Variants in FSCN2 observed in about 807,000 individuals in gnomAD.
FSCN2 encodes the protein fascin actin-bundling protein 2, retinal.
A neutral mutation model predicts 37.8 loss-of-function variants in FSCN2; 46 were observed. The observed-to-expected ratio is 1.22, with a 90% CI of 0.96 to 1.56. FSCN2 has a LOEUF of 1.56. Among genes scored for constraint, FSCN2 ranks in the 40% most tolerant of loss-of-function variants. FSCN2 has a pLI of 0.00. For missense variants in FSCN2, 844 were observed against 730.4 expected (o/e 1.16, Z -1.79); for synonymous variants, 351 against 309.4 (o/e 1.13, Z -1.41).
the FSCN2 span, among the ~76,000 whole-genome samples, chr17:81,519,525 TG>T: frequency 6.6e-6 from 1 of 151,968 alleles, no homozygotes; most frequent in Non-Finnish European, 1.5e-5. Flanking sequence ...GGCCGCCAGG[TG>T]GGTGCCGCTA....
At chr17:81,517,883 A>G in the FSCN2 span, among the ~76,000 whole-genome samples, 1 of 151,822 alleles carries the variant, frequency 6.6e-6, no homozygotes, top group African/African-American at 2.4e-5. Context: ...AGAAACGGAG[A>G]TGAAACCGAG....
chr17:81,535,394 CATCATCACCATCCCT>C (rs2032821333), intron 2 of FSCN2, among the ~76,000 whole-genome samples, 186 bp downstream of exon 2: 1 of 141,886 alleles, frequency 7.0e-6, no homozygotes, highest in Non-Finnish European at 1.5e-5. Context: ...TCCCCATCCC[CATCATCACCATCCCT>C]ATCACCACCA....
rs1555671257 is a variant in FSCN2 at position 81,531,323 on chromosome 17, GGTGGTGGTGGTGA to G, written c.826+1967_826+1979del. ...TGGTGATGGTGGTGGTGGTGATGAT[GGTGGTGGTGGTGA>G]TGGTGGTGGTGATGATGGTGATGGT... On this transcript the variant is annotated intron_variant, in intron 1 of 4. Transcript: ENST00000417245. Among the ~76,000 whole-genome samples, 130 of 47,968 alleles carry G rather than the reference GGTGGTGGTGGTGA, an allele frequency of 2.7e-3. 6 individuals are homozygous for G. Among genetic ancestry groups the G allele is most frequent in the African/African-American group, 7.2e-3 (113 of 15,784 alleles). The allele number at this position is 47,968 out of a possible 152,430, so 31.5% of individuals were successfully genotyped here.
At chr17:81,522,033 T>C in the FSCN2 span, among the ~76,000 whole-genome samples, 2 of 152,120 alleles carry the variant, frequency 1.3e-5, no homozygotes, top group African/African-American at 4.8e-5. Flanking sequence ...GGAGTCTCAC[T>C]CTGCACTCTG....
chr17:81,525,597 C>T (rs1006093997), upstream of FSCN2, among the ~76,000 whole-genome samples: 10 of 151,330 alleles, frequency 6.6e-5, no homozygotes, highest in East Asian at 1.9e-4. Flanking sequence ...TGGTGGCAGG[C>T]GCCTGTAATC....
chr17:81,530,563 T>TC (rs1555671100), intron 1 of FSCN2: 2 of 508,196 alleles, frequency 3.9e-6, no homozygotes, highest in Non-Finnish European at 7.8e-6. Context: ...TGCATGGAGC[T>TC]CCTCCTCCCA....
intron 1 of FSCN2, among the ~76,000 whole-genome samples, chr17:81,533,780 A>G (rs1307825561): frequency 6.6e-6 from 1 of 152,166 alleles, no homozygotes; most frequent in Non-Finnish European, 1.5e-5. Flanking sequence ...AGGTGGCTGA[A>G]TGAGTAGCCC....
Position 81,536,209 on chromosome 17 carries a change from C to G in FSCN2, c.1047C>G (p.Asn349Lys). ...GGCGGGTAGCACTCAAAGCCAGCAA[C>G]GGGCGCTACGTGTGCATGAAGAAGA... is the stretch of plus-strand genomic sequence containing the variant. ...RGRRVALKAS[N>K]GRYVCMKKNG... is the part of the protein sequence containing the mutation. Residue 349 changes from asparagine (N) to lysine (K), a missense_variant, in exon 3 of 5, where the codon AAC becomes AAG. By Grantham distance (94) the Asn-to-Lys change is moderately conservative. Coordinates refer to ENST00000417245, the MANE Select transcript of FSCN2 (RefSeq NM_012418.4). The G allele has an allele frequency of 6.2e-7, 1 of 1,600,544 alleles. No individual in the cohort carries two copies. The highest frequency in any genetic ancestry group is 8.5e-7 in the Non-Finnish European group (1 of 1,173,948).
chr17:81,517,700 G>C, the FSCN2 span, among the ~76,000 whole-genome samples: 1 of 152,050 alleles, frequency 6.6e-6, no homozygotes, highest in Non-Finnish European at 1.5e-5. Flanking sequence ...GAGCCGCACG[G>C]AGTGGGGAGG....
chr17:81,529,131 G>C lies in FSCN2; in HGVS notation c.600G>C (p.Leu200=). 1 of 1,584,186 alleles carries C rather than the reference G, an allele frequency of 6.3e-7. No homozygotes were observed. Among genetic ancestry groups the C allele is most frequent in the Non-Finnish European group, 8.6e-7 (1 of 1,166,766 alleles). ...DSRYLRSDGR[L]VWEPEPRACY... ...GCTACCTGCGCAGCGACGGCCGTCT[G>C]GTCTGGGAGCCTGAGCCCCGTGCCT... is the stretch of plus-strand genomic sequence containing the variant. Residue 200 remains leucine, a synonymous_variant, in exon 1 of 5, where the codon CTG becomes CTC. Coordinates refer to ENST00000417245, the MANE Select transcript of FSCN2 (RefSeq NM_012418.4).
intron 2 of FSCN2, among the ~76,000 whole-genome samples, chr17:81,535,944 A>G (rs1268769296): frequency 6.7e-6 from 1 of 148,186 alleles, no homozygotes; most frequent in Non-Finnish European, 1.5e-5. Flanking sequence ...CACCACCATC[A>G]CTGCCTCGGC....
chr17:81,535,267 TCATCACCATCCCCACCATCCGCATCCC>T, intron 2 of FSCN2, 59 bp downstream of exon 2: 5 of 1,201,632 alleles, frequency 4.2e-6, no homozygotes, highest in South Asian at 1.4e-5. Context: ...ACCATCCCCA[TCATCACCATCCCCACCATCCGCATCCC>T]CATCTCCATC....
At chr17:81,531,246 A>G (rs1223398031) in intron 1 of FSCN2, among the ~76,000 whole-genome samples, 2,539 of 28,888 alleles carry the variant, frequency 0.088, 453 homozygotes, top group African/African-American at 0.24. Context: ...GGTGGTGATG[A>G]TGGTGATGGT....
At chr17:81,531,609 G>GTGA (rs1321530175) in intron 1 of FSCN2, among the ~76,000 whole-genome samples, 2 of 136,452 alleles carry the variant, frequency 1.5e-5, no homozygotes, top group Middle Eastern at 4.7e-3. Flanking sequence ...GATGATAATG[G>GTGA]TGATGATGGT....
intron 1 of FSCN2, among the ~76,000 whole-genome samples, chr17:81,532,386 GCGA>G (rs1200857602): frequency 9.0e-5 from 11 of 121,820 alleles, no homozygotes; most frequent in African/African-American, 3.8e-4. Context: ...GATAGTGATG[GCGA>G]TGATGGTGAT....
chr17:81,516,809 G>T, the FSCN2 span, among the ~76,000 whole-genome samples: 1 of 152,128 alleles, frequency 6.6e-6, no homozygotes, highest in African/African-American at 2.4e-5. Flanking sequence ...GAGTGGCCAG[G>T]TGCTGCTTGT....
intron 2 of FSCN2, among the ~76,000 whole-genome samples, chr17:81,535,536 A>G (rs1250987332): frequency 9.1e-6 from 1 of 110,494 alleles, no homozygotes; most frequent in Non-Finnish European, 1.8e-5. Flanking sequence ...CATCACCATC[A>G]TCACCATCCC....
chr17:81,532,130 A>AGTGATGGTGATGATG (rs1568078716), intron 1 of FSCN2, among the ~76,000 whole-genome samples: 4 of 21,992 alleles, frequency 1.8e-4, no homozygotes, highest in African/African-American at 3.6e-4. Flanking sequence ...TGGTGATGAT[A>AGTGATGGTGATGATG]GTGATGGTGA....
the FSCN2 span, among the ~76,000 whole-genome samples, chr17:81,517,195 A>G: frequency 7.0e-6 from 1 of 143,066 alleles, no homozygotes; most frequent in African/African-American, 2.6e-5. Context: ...TTCTGGAGAC[A>G]GGATCCCTGT....
Sources: gnomAD v4.1 joint callset for allele counts (sites outside exome capture counted in the v4.1 genomes callset) on GRCh38, gnomAD v4.1.1 for gene constraint, MANE v1.5 for transcripts, NCBI Gene and HGNC (gene_info 2026-07-23, HGNC 2026-07-21) for gene names.